Variants in ADA2 observed in about 807,000 individuals in gnomAD.
The protein encoded by ADA2 is adenosine deaminase CECR1.
ADA2 carries 29 observed loss-of-function variants against 44.2 expected under a neutral mutation model. The observed-to-expected ratio is 0.66, with a 90% CI of 0.49 to 0.89. The LOEUF (loss-of-function observed/expected upper bound fraction) is 0.89, where lower values mean the gene tolerates loss of function less well. ADA2 is among the 40% of genes least tolerant of loss of function. The pLI, the probability that ADA2 is intolerant of heterozygous loss-of-function variation, is 0.00. For synonymous variants in ADA2, 215 were observed against 234.9 expected (o/e 0.92, Z 0.77); for missense variants, 637 against 644.8 (o/e 0.99, Z 0.13).
At position 17,218,500 on chromosome 22, in the gene ADA2, C is replaced by T. The variant is rs73385985; in HGVS notation, c.-47+856G>A. ...TACTAAAATCTCTAGGGCAGGAGCA[C>T]GGTGACTTCTATGTCACCATCCCAC... On this transcript the variant is annotated intron_variant, in intron 1 of 9. Transcript: ENST00000399837. Among the ~76,000 whole-genome samples, 1,209 of 152,176 alleles carry T rather than the reference C, an allele frequency of 7.9e-3. 22 individuals carry two copies. Among genetic ancestry groups the T allele is most frequent in the African/African-American group, 0.028 (1,151 of 41,514 alleles).
At chr22:17,194,673 C>A (rs2062167923) in intron 4 of ADA2, among the ~76,000 whole-genome samples, 1 of 152,054 alleles carries the variant, frequency 6.6e-6, no homozygotes, top group African/African-American at 2.4e-5. Flanking sequence ...ACTGCCTGAC[C>A]TGGCACAGCC....
At chr22:17,213,068 AT>A (rs1041137410) in intron 1 of ADA2, among the ~76,000 whole-genome samples, 9 of 151,592 alleles carry the variant, frequency 5.9e-5, no homozygotes, top group East Asian at 1.9e-4. Context: ...GGGATTATAG[AT>A]CTGAGCCACC....
At chr22:17,184,378 G>A (rs564460746) in intron 7 of ADA2, among the ~76,000 whole-genome samples, 1 of 152,238 alleles carries the variant, frequency 6.6e-6, no homozygotes, top group African/African-American at 2.4e-5. Context: ...GAGGTTATTT[G>A]TTGGGGAGCT....
At chr22:17,214,062 A>G (rs1398024987) in intron 1 of ADA2, 2 of 493,586 alleles carry the variant, frequency 4.1e-6, no homozygotes, top group Non-Finnish European at 7.5e-6. Context: ...AAAAAAAAAT[A>G]GCATCCAAAA....
intron 4 of ADA2, among the ~76,000 whole-genome samples, chr22:17,194,032 A>G (rs1405355839): frequency 2.6e-5 from 4 of 151,582 alleles, no homozygotes; most frequent in Non-Finnish European, 2.9e-5. Context: ...AAAAAAAAAA[A>G]AAAGAAACAA....
Position 17,189,950 on chromosome 22 carries a change from A to G in ADA2, c.964T>C (p.Phe322Leu). 6.2e-7 allele frequency: 1 copy of G among 1,612,886 alleles called. No individual in the cohort carries two copies. The highest frequency in any genetic ancestry group is 8.5e-7 in the Non-Finnish European group (1 of 1,178,914). The stretch of plus-strand genomic sequence containing the variant: ...TTCACAGCATGGGTTACCAGGTCAA[A>G]CCCTGCCACCACCGTGGGGAACTTG... ...RIKFPTVVAG[F>L]DLVGHEDTGH... Residue 322 changes from phenylalanine (F) to leucine (L), a missense_variant, in exon 6 of 10, where the codon TTT (phenylalanine) becomes CTT (leucine). Transcript: ENST00000399837.
At chr22:17,212,553 C>T (rs566910722) in intron 1 of ADA2, among the ~76,000 whole-genome samples, 61 of 152,028 alleles carry the variant, frequency 4.0e-4, no homozygotes, top group Middle Eastern at 3.4e-3. Flanking sequence ...GGATTACAGG[C>T]GTGAGTCACC....
chr22:17,217,292 C>A (rs926064546), intron 1 of ADA2, among the ~76,000 whole-genome samples: 2 of 151,906 alleles, frequency 1.3e-5, no homozygotes, highest in Middle Eastern at 3.2e-3. Context: ...AAGAAATTGC[C>A]CCAGAACTGA....
intron 4 of ADA2, among the ~76,000 whole-genome samples, chr22:17,202,906 C>T (rs1372687402): frequency 6.6e-6 from 1 of 151,956 alleles, no homozygotes; most frequent in African/African-American, 2.4e-5. Context: ...CCTCAGCCTC[C>T]CGAGTAGCTG....
chr22:17,207,187 C>G lies in ADA2; in HGVS notation c.426G>C (p.Gly142=), dbSNP rs143138564. The G allele has an allele frequency of 6.2e-7, 1 of 1,614,078 alleles. No individual in the cohort carries two copies. The highest frequency in any genetic ancestry group is 8.5e-7 in the Non-Finnish European group (1 of 1,180,010). The change falls in exon 3 of 10, where the codon GGG becomes GGC. Residue 142 remains glycine, a synonymous_variant. Coordinates refer to ENST00000399837, the MANE Select transcript of ADA2 (RefSeq NM_001282225.2). ...PHCHICFTPR[G]IMQFRFAHPT... ...GGTGAGCAAATCTGAACTGCATGAT[C>G]CCCCTTGGGGTGAAACAGATGTGGC... is the stretch of plus-strand genomic sequence containing the variant.
In ADA2 at chr22:17,181,046, G is replaced by C. The variant is rs575421843; in HGVS notation, c.*437C>G. The C allele has an allele frequency of 1.9e-5, 3 of 153,938 alleles. No individual in the cohort carries two copies. The highest frequency in any genetic ancestry group is 7.2e-5 in the African/African-American group (3 of 41,566). The allele number at this position is 153,938 out of a possible 1,614,324, so 9.5% of individuals were successfully genotyped here. On this transcript the variant is annotated 3_prime_UTR_variant, in exon 10 of 10. Transcript: ENST00000399837. ...CCAACTACTCGCGAGGCTGATGCAA[G>C]AGAATTGCCTGAACCCGGGTGGCGG...
chr22:17,191,950 CT>C, intron 4 of ADA2, 140 bp from the exon 5 acceptor site: 3 of 817,044 alleles, frequency 3.7e-6, no homozygotes, highest in Non-Finnish European at 3.7e-6. Flanking sequence ...CCCAGCCACC[CT>C]TGCCCAGCCA....
chr22:17,190,373 G>C (rs1331129471), intron 5 of ADA2, among the ~76,000 whole-genome samples: 4 of 152,314 alleles, frequency 2.6e-5, no homozygotes, highest in Admixed American at 2.6e-4. Flanking sequence ...CTGCATCTCT[G>C]TCGGGGGTGT....
chr22:17,209,410 T>C lies in ADA2; in HGVS notation c.268A>G (p.Lys90Glu). 1 of 1,614,132 alleles carries C rather than the reference T, an allele frequency of 6.2e-7. No individual in the cohort carries two copies. The highest frequency in any genetic ancestry group is 8.5e-7 in the Non-Finnish European group (1 of 1,180,036). The change falls in exon 2 of 10, where the codon AAG becomes GAG. Residue 90 changes from lysine (K) to glutamate (E), a missense_variant. Transcript: ENST00000399837. ...ACTTGACTTCTCTCAATGAGATGCT[T>C]GGCCTGGAAAAAGTGCATGCTGGGT... ...FPPSMHFFQA[K>E]HLIERSQVFN...
At chr22:17,221,303 T>A (rs1261217680), upstream of ADA2, among the ~76,000 whole-genome samples, 17 of 149,132 alleles carry the variant, frequency 1.1e-4, no homozygotes, top group African/African-American at 3.5e-4. Context: ...GGGTTTTTTT[T>A]ATACTTTAAG....
chr22:17,199,427 C>CACCTCTA, intron 4 of ADA2: 3 of 991,242 alleles, frequency 3.0e-6, no homozygotes, highest in Non-Finnish European at 3.2e-6. Flanking sequence ...CCTCCCTCCC[C>CACCTCTA]TCCTCTATCC....
At chr22:17,202,381 C>T (rs1345288603) in intron 4 of ADA2, among the ~76,000 whole-genome samples, 1 of 152,322 alleles carries the variant, frequency 6.6e-6, no homozygotes, top group African/African-American at 2.4e-5. Flanking sequence ...CTGCCTCAGC[C>T]TCCCGAGTGC....
At chr22:17,183,587 G>T (rs1238229986) in intron 7 of ADA2, among the ~76,000 whole-genome samples, 1 of 149,764 alleles carries the variant, frequency 6.7e-6, no homozygotes, top group Non-Finnish European at 1.5e-5. Flanking sequence ...TCAGCCTCCT[G>T]AGTAGCTGGG....
At position 17,181,229 on chromosome 22, in the gene ADA2, G is replaced by A; in HGVS notation, c.*254C>T. Reference sequence around the variant, plus strand: ...GGAAACAGCACAGAGATCAGAGAGAGGAGAAGACTCTGAAATAGGGAAACT... The same window carrying A: ...GGAAACAGCACAGAGATCAGAGAGAAGAGAAGACTCTGAAATAGGGAAACT... On this transcript the variant is annotated 3_prime_UTR_variant, in exon 10 of 10. Transcript: ENST00000399837. The A allele has an allele frequency of 2.2e-6, 1 of 455,952 alleles. No homozygotes were observed. Among genetic ancestry groups the A allele is most frequent in the South Asian group, 2.4e-5 (1 of 42,132 alleles). The allele number at this position is 455,952 out of a possible 1,614,324, so 28.2% of individuals were successfully genotyped here.
Sources: gnomAD v4.1 joint callset for allele counts (sites outside exome capture counted in the v4.1 genomes callset) on GRCh38, gnomAD v4.1.1 for gene constraint, MANE v1.5 for transcripts, NCBI Gene and HGNC (gene_info 2026-07-23, HGNC 2026-07-21) for gene names.